DESI1: variants seen among roughly 807,000 people sequenced by gnomAD.
The protein encoded by DESI1 is desumoylating isopeptidase 1, also known as PPPDE peptidase domain containing 2.
In DESI1, 17 loss-of-function variants were observed where a neutral mutation model predicts 22.4. That is an observed-to-expected ratio of 0.76 (90% CI 0.52 to 1.14). DESI1 has a LOEUF of 1.14. Among genes scored for constraint, DESI1 ranks in the 50% most tolerant of loss-of-function variants. The pLI, the probability that DESI1 is intolerant of heterozygous loss-of-function variation, is 0.00. For synonymous variants in DESI1, 92 were observed against 84.2 expected (o/e 1.09, Z -0.51); for missense variants, 177 against 208.9 (o/e 0.85, Z 0.94).
intron 1 of DESI1, among the ~76,000 whole-genome samples, chr22:41,617,627 C>T (rs926679608): frequency 6.6e-6 from 1 of 152,188 alleles, no homozygotes; most frequent in African/African-American, 2.4e-5. Context: ...TGACTACTAG[C>T]TTTGCTAATT....
intron 3 of DESI1, among the ~76,000 whole-genome samples, chr22:41,605,705 A>G (rs1435423591): frequency 6.6e-6 from 1 of 152,194 alleles, no homozygotes; most frequent in African/African-American, 2.4e-5. Flanking sequence ...AATAGATGAG[A>G]TTCTTGCCGT....
At chr22:41,602,109 A>G in intron 5 of DESI1, 1 of 653,020 alleles carries the variant, frequency 1.5e-6, no homozygotes, top group Non-Finnish European at 1.9e-6. Context: ...TGATTACGAC[A>G]ACCATAAATA....
intron 1 of DESI1, 115 bp downstream of exon 1, chr22:41,620,637 T>C: frequency 1.5e-5 from 16 of 1,053,092 alleles, no homozygotes; most frequent in Non-Finnish European, 2.2e-5. Context: ...TTTTCTTCCA[T>C]CCTCCTGGCC....
intron 1 of DESI1, among the ~76,000 whole-genome samples, chr22:41,617,236 C>G (rs1436555960): frequency 6.6e-6 from 1 of 152,162 alleles, no homozygotes. Context: ...GCTCTACCAC[C>G]TAGTAGCTCT....
intron 3 of DESI1, among the ~76,000 whole-genome samples, chr22:41,605,571 C>CA (rs1161754198): frequency 2.0e-5 from 3 of 152,318 alleles, no homozygotes; most frequent in Non-Finnish European, 4.4e-5. Context: ...ACAATTATCT[C>CA]AGAGTTGTAA....
At chr22:41,613,768 A>G (rs2067532406) in intron 1 of DESI1, among the ~76,000 whole-genome samples, 1 of 152,248 alleles carries the variant, frequency 6.6e-6, no homozygotes, top group South Asian at 2.1e-4. Flanking sequence ...TACAGCTGGC[A>G]GGTATGGATG....
chr22:41,604,875 T>A (rs1254485469), intron 3 of DESI1, among the ~76,000 whole-genome samples: 1 of 152,212 alleles, frequency 6.6e-6, no homozygotes, highest in Non-Finnish European at 1.5e-5. Context: ...CTGGTCACTT[T>A]TCATTGCCAT....
intron 1 of DESI1, among the ~76,000 whole-genome samples, chr22:41,611,038 C>T (rs570672580): frequency 6.6e-4 from 100 of 152,244 alleles, no homozygotes; most frequent in African/African-American, 2.3e-3. Flanking sequence ...AGTGGTAATC[C>T]ATTTAGGACG....
chr22:41,617,212 G>A (rs1326284961), intron 1 of DESI1, among the ~76,000 whole-genome samples: 5 of 152,184 alleles, frequency 3.3e-5, no homozygotes, highest in African/African-American at 4.8e-5. Context: ...CAGACTGCCT[G>A]TGTTCATAAC....
intron 1 of DESI1, among the ~76,000 whole-genome samples, chr22:41,612,503 T>C (rs568594685): frequency 1.8e-5 from 2 of 108,182 alleles, no homozygotes; most frequent in African/African-American, 6.3e-5. Flanking sequence ...AAAACTCTTG[T>C]CTCAAAAAAA....
intron 1 of DESI1, among the ~76,000 whole-genome samples, chr22:41,615,361 G>A (rs1203242171): frequency 6.6e-6 from 1 of 150,686 alleles, no homozygotes. Context: ...CAGGAGAATG[G>A]CATGAACCTG....
chr22:41,606,355 CA>C (rs57289024), intron 3 of DESI1, among the ~76,000 whole-genome samples: 7,442 of 113,778 alleles, frequency 0.065, 494 homozygotes, highest in African/African-American at 0.19. Context: ...GACCCCGTCT[CA>C]AAAAAAAAAA....
intron 5 of DESI1, 84 bp from the exon 6 acceptor site, chr22:41,601,274 G>A: frequency 1.5e-6 from 2 of 1,300,336 alleles, no homozygotes; most frequent in Admixed American, 2.8e-5. Flanking sequence ...CGGGTAGGGA[G>A]GAGGAGTGGG....
intron 1 of DESI1, among the ~76,000 whole-genome samples, chr22:41,616,497 A>T (rs1485123658): frequency 3.3e-5 from 5 of 149,652 alleles, no homozygotes; most frequent in African/African-American, 5.0e-5. Flanking sequence ...ATAATAAACA[A>T]ATATGAAGTA....
rs1446382013 is a variant in DESI1 at position 41,598,562 on chromosome 22, CAG to C, written c.*2533_*2534del. 1.3e-5 allele frequency: 2 copies of C among 152,468 alleles called. No individual in the cohort carries two copies. The highest frequency in any genetic ancestry group is 6.5e-5 in the Admixed American group (1 of 15,290). 9.4% of individuals were successfully genotyped at this position (152,468 alleles called of 1,614,324 possible). ...AGGAAATGAGTGACTCAAATTCTCT[CAG>C]GGGAGCTGCTCCTGGGCCTAAGGGT... On this transcript the variant is annotated 3_prime_UTR_variant, in exon 6 of 6. Transcript: ENST00000263256.
intron 4 of DESI1, 102 bp downstream of exon 4, chr22:41,603,942 G>T: frequency 9.5e-7 from 1 of 1,051,410 alleles, no homozygotes. Context: ...GCCAGGCCTT[G>T]TGCTGAGTGA....
chr22:41,618,427 G>A (rs1009977056), intron 1 of DESI1, among the ~76,000 whole-genome samples: 1 of 151,622 alleles, frequency 6.6e-6, no homozygotes, highest in African/African-American at 2.4e-5. Flanking sequence ...CTGTGCAGAA[G>A]GCACTTATGC....
At chr22:41,616,745 C>A (rs1190963737) in intron 1 of DESI1, among the ~76,000 whole-genome samples, 2 of 152,158 alleles carry the variant, frequency 1.3e-5, no homozygotes, top group African/African-American at 2.4e-5. Flanking sequence ...ATTTTGGGAC[C>A]ATTTTTCATA....
intron 1 of DESI1, among the ~76,000 whole-genome samples, chr22:41,615,114 T>A (rs1403795594): frequency 7.5e-6 from 1 of 133,774 alleles, no homozygotes; most frequent in South Asian, 2.5e-4. Flanking sequence ...CTGGCTAACA[T>A]GGTGAAACCC....
Sources: gnomAD v4.1 joint callset for allele counts (sites outside exome capture counted in the v4.1 genomes callset) on GRCh38, gnomAD v4.1.1 for gene constraint, MANE v1.5 for transcripts, NCBI Gene and HGNC (gene_info 2026-07-23, HGNC 2026-07-21) for gene names.